NWD1: variants seen among roughly 807,000 people sequenced by gnomAD.
NWD1 encodes NACHT and WD repeat domain containing 1.
NWD1 carries 129 observed loss-of-function variants against 135.1 expected under a neutral mutation model. That is an observed-to-expected ratio of 0.96 (90% CI 0.83 to 1.11). The LOEUF (loss-of-function observed/expected upper bound fraction) is 1.11. Ranked by LOEUF, NWD1 falls within the 50% of genes least tolerant of loss-of-function variation. NWD1 has a pLI of 0.00. For synonymous variants in NWD1, 773 were observed against 786.0 expected (o/e 0.98, Z 0.28); for missense variants, 1,740 against 1,851.3 (o/e 0.94, Z 1.10).
At chr19:16,805,783 T>G (rs907569917) in intron 17 of NWD1, among the ~76,000 whole-genome samples, 2 of 152,216 alleles carry the variant, frequency 1.3e-5, no homozygotes, top group South Asian at 4.1e-4. Context: ...AACGACTGAA[T>G]GAAGTTGAGA....
At chr19:16,779,186 G>A (rs1033539458) in intron 11 of NWD1, among the ~76,000 whole-genome samples, 157 bp from the exon 12 acceptor site, 4 of 152,128 alleles carry the variant, frequency 2.6e-5, no homozygotes, top group Admixed American at 6.6e-5. Context: ...CTGAGTCTGC[G>A]AATCTAATCC....
chr19:16,722,590 A>G (rs1967180738), intron 1 of NWD1, among the ~76,000 whole-genome samples: 1 of 151,076 alleles, frequency 6.6e-6, no homozygotes, highest in African/African-American at 2.4e-5. Context: ...TGCCTGGCCG[A>G]CCCTCACTCT....
At chr19:16,773,380 T>A in intron 11 of NWD1, 57 bp downstream of exon 11, 1 of 1,484,418 alleles carries the variant, frequency 6.7e-7, no homozygotes, top group Non-Finnish European at 9.2e-7. Flanking sequence ...CTGGGGGCAG[T>A]GAAGGCCAGG....
intron 17 of NWD1, chr19:16,801,292 A>C (rs1970595319): frequency 6.6e-6 from 1 of 152,448 alleles, no homozygotes; most frequent in African/African-American, 2.4e-5. Context: ...AAAAAAAATT[A>C]GCTGGATATG....
intron 1 of NWD1, among the ~76,000 whole-genome samples, chr19:16,724,148 G>T (rs1967239106): frequency 6.6e-6 from 1 of 152,142 alleles, no homozygotes; most frequent in Non-Finnish European, 1.5e-5. Flanking sequence ...AGACACAAAG[G>T]TTTGAAAATA....
chr19:16,739,447 C>A (rs1251004487), intron 4 of NWD1, among the ~76,000 whole-genome samples: 1 of 151,780 alleles, frequency 6.6e-6, no homozygotes, highest in Non-Finnish European at 1.5e-5. Context: ...CAGCCAAAAG[C>A]ACAGTGCAGC....
At position 16,807,897 on chromosome 19, in the gene NWD1, A is replaced by G; in HGVS notation, c.4048A>G (p.Thr1350Ala). The change falls in exon 18 of 19, where the codon ACC (threonine) becomes GCC (alanine). Residue 1350 changes from threonine to alanine, a missense_variant. Transcript: ENST00000524140. Reference protein sequence around the residue: ...RYTFYTQLPETLSSVAILTDY... With the variant: ...RYTFYTQLPEALSSVAILTDY... ...CACCTTTTACACTCAGCTGCCCGAG[A>G]CCCTCTCCAGCGTGGCCATTCTGAC... The G allele has an allele frequency of 6.2e-7, 1 of 1,613,946 alleles. No individual in the cohort carries two copies. Among genetic ancestry groups the G allele is most frequent in the Non-Finnish European group, 8.5e-7 (1 of 1,180,000 alleles).
intron 3 of NWD1, among the ~76,000 whole-genome samples, chr19:16,734,527 T>TCCA (rs1967712140): frequency 7.2e-6 from 1 of 138,190 alleles, no homozygotes; most frequent in African/African-American, 2.6e-5. Flanking sequence ...AGAGCAAGAC[T>TCCA]CCATCTCAAA....
intron 15 of NWD1, among the ~76,000 whole-genome samples, chr19:16,795,063 C>T (rs1243189658): frequency 3.9e-5 from 6 of 152,198 alleles, no homozygotes; most frequent in Admixed American, 6.5e-5. Context: ...ATTACACAGG[C>T]GTGAGCCATT....
At chr19:16,734,330 C>T (rs1296552982) in intron 3 of NWD1, among the ~76,000 whole-genome samples, 1 of 152,018 alleles carries the variant, frequency 6.6e-6, no homozygotes, top group African/African-American at 2.4e-5. Flanking sequence ...AGGCAGATCA[C>T]GAGGTCAGGA....
intron 3 of NWD1, among the ~76,000 whole-genome samples, chr19:16,735,622 A>T (rs1599432943): frequency 6.6e-6 from 1 of 151,438 alleles, no homozygotes. Context: ...TGAGGTCAAG[A>T]GTTCGAGACC....
At chr19:16,726,509 A>T (rs929950438) in intron 2 of NWD1, among the ~76,000 whole-genome samples, 5 of 151,116 alleles carry the variant, frequency 3.3e-5, no homozygotes, top group African/African-American at 1.2e-4. Flanking sequence ...GTGTGATCTT[A>T]GTTCACTGCA....
chr19:16,746,166 C>G (rs571258255), intron 5 of NWD1, among the ~76,000 whole-genome samples: 7 of 148,440 alleles, frequency 4.7e-5, no homozygotes, highest in African/African-American at 1.8e-4. Context: ...CCAGTCTGGG[C>G]AACATGGCAA....
Position 16,804,594 on chromosome 19 carries a change from G to GTT in NWD1, c.3737-2982_3737-2981dup, listed in dbSNP as rs561345788. On this transcript the variant is annotated intron_variant, in intron 17 of 18. Transcript: ENST00000524140. ...TGGGCAACAGAGACCCTGTCTCTCTGTTTTTTTTTTTAATTTAAAGAAAGA... is the reference window on the plus strand; with the variant it reads ...TGGGCAACAGAGACCCTGTCTCTCTGTTTTTTTTTTTTTAATTTAAAGAAAGA... Among the ~76,000 whole-genome samples the GTT allele has an allele frequency of 1.2e-3, 174 of 146,250 alleles. 1 individual carries two copies. Among genetic ancestry groups the GTT allele is most frequent in the African/African-American group, 4.1e-3 (164 of 39,940 alleles).
chr19:16,787,998 G>A (rs553931209), intron 12 of NWD1, among the ~76,000 whole-genome samples: 75 of 148,400 alleles, frequency 5.1e-4, no homozygotes, highest in Non-Finnish European at 9.6e-4. Context: ...GGAGGCCGAG[G>A]TGGGTAGATC....
At position 16,744,659 on chromosome 19, in the gene NWD1, AG is replaced by A; in HGVS notation, c.439del (p.Glu147ArgfsTer25). 1 of 1,535,986 alleles carries A rather than the reference AG, an allele frequency of 6.5e-7. No individual in the cohort carries two copies. The highest frequency in any genetic ancestry group is 8.7e-7 in the Non-Finnish European group (1 of 1,146,868). On this transcript the variant is annotated frameshift_variant, in exon 5 of 19. Transcript: ENST00000524140. LOFTEE classifies it high-confidence loss of function. Reference sequence around the variant, plus strand: ...ACTTCTGTCCTACGCTCTGGAGCCCAGGAGGCCCGGAGGCTGGGGCTCATCA... The same window carrying A: ...ACTTCTGTCCTACGCTCTGGAGCCCAGAGGCCCGGAGGCTGGGGCTCATCA... ...TLTSVLRSGA[Q>X]EARRLGLITQ...
chr19:16,740,036 C>T (rs538151037), intron 4 of NWD1, among the ~76,000 whole-genome samples: 6 of 152,134 alleles, frequency 3.9e-5, no homozygotes, highest in Admixed American at 2.0e-4. Context: ...TTGGATCACA[C>T]TTGTAATCCC....
chr19:16,767,294 C>A lies in NWD1; in HGVS notation c.2410+2102C>A, dbSNP rs148291568. ...TCCTGGGTTCATGCATGGCAGCAGG[C>A]GAGAGAGAGGGAGCAACTGCCTTAT... is the stretch of plus-strand genomic sequence containing the variant. On this transcript the variant is annotated intron_variant, in intron 10 of 18. Transcript: ENST00000524140. Among the ~76,000 whole-genome samples the A allele has an allele frequency of 4.0e-3, 597 of 148,218 alleles. 3 individuals are homozygous for A. The highest frequency in any genetic ancestry group is 0.031 in the East Asian group (152 of 4,922).
At chr19:16,726,283 C>CT (rs1311916531) in intron 2 of NWD1, among the ~76,000 whole-genome samples, 14 of 151,210 alleles carry the variant, frequency 9.3e-5, no homozygotes, top group Admixed American at 2.0e-4. Context: ...TTTTAAAAAA[C>CT]TTTTTTTTGC....
Sources: gnomAD v4.1 joint callset for allele counts (sites outside exome capture counted in the v4.1 genomes callset) on GRCh38, gnomAD v4.1.1 for gene constraint, MANE v1.5 for transcripts, NCBI Gene and HGNC (gene_info 2026-07-23, HGNC 2026-07-21) for gene names.